Variants in PIAS1 observed in about 807,000 individuals in gnomAD.
The protein encoded by PIAS1 is protein inhibitor of activated STAT 1.
In PIAS1, 6 loss-of-function variants were observed where a neutral mutation model predicts 71.3. The ratio of observed to expected loss-of-function variants is 0.08; its 90% CI spans 0.05 to 0.17. The LOEUF (loss-of-function observed/expected upper bound fraction) is 0.17. PIAS1 is among the 10% of genes least tolerant of loss of function. The pLI, the probability that PIAS1 is intolerant of heterozygous loss-of-function variation, is 1.00. For synonymous variants in PIAS1, 303 were observed against 292.9 expected (o/e 1.03, Z -0.35); for missense variants, 555 against 793.6 (o/e 0.70, Z 3.61).
rs199719363 is a variant in PIAS1, at chr15:68,086,593, A to G, written c.312A>G (p.Ala104=). Residue 104 remains alanine (A), a synonymous_variant, in exon 2 of 14, where the codon GCA becomes GCG. Coordinates refer to ENST00000249636, the MANE Select transcript of PIAS1 (RefSeq NM_016166.3). The surrounding 1 kb of genome is among the most constrained non-coding windows in gnomAD (Gnocchi z 7.2). The part of the protein sequence containing the change: ...IPQLTYDGHP[A]SSPLLPVSLL... Reference sequence around the variant, plus strand: ...AACTCACTTACGATGGTCACCCTGCATCATCGCCATTACTCCCTGTTTCTC... The same window carrying G: ...AACTCACTTACGATGGTCACCCTGCGTCATCGCCATTACTCCCTGTTTCTC... The G allele has an allele frequency of 1.2e-6, 2 of 1,613,868 alleles. No homozygotes were observed. The highest frequency in any genetic ancestry group is 8.5e-7 in the Non-Finnish European group (1 of 1,179,886).
At chr15:68,090,094 G>A (rs1215933246) in intron 2 of PIAS1, among the ~76,000 whole-genome samples, 3 of 151,594 alleles carry the variant, frequency 2.0e-5, no homozygotes, top group African/African-American at 7.3e-5. Context: ...CAGCCAGGCT[G>A]GTCTCGAACT....
At chr15:68,170,586 C>T (rs2092985191) in intron 8 of PIAS1, among the ~76,000 whole-genome samples, 1 of 152,122 alleles carries the variant, frequency 6.6e-6, no homozygotes, top group Non-Finnish European at 1.5e-5. Context: ...ACACTGTACA[C>T]TTTGGCTACA....
chr15:68,102,002 C>CT (rs1555426300), intron 2 of PIAS1, among the ~76,000 whole-genome samples: 2 of 152,326 alleles, frequency 1.3e-5, no homozygotes, highest in Non-Finnish European at 1.5e-5. Context: ...TACCAAAACA[C>CT]TGAGATTATG....
chr15:68,090,159 C>T (rs1197708279), intron 2 of PIAS1, among the ~76,000 whole-genome samples: 3 of 151,904 alleles, frequency 2.0e-5, no homozygotes, highest in Admixed American at 6.6e-5. Flanking sequence ...GGATTACAGG[C>T]GTCAGCCACC....
chr15:68,175,194 T>C (rs926185252), intron 9 of PIAS1, among the ~76,000 whole-genome samples: 1 of 152,232 alleles, frequency 6.6e-6, no homozygotes. Flanking sequence ...TGTTTTTAAA[T>C]GTCTGTCACG....
chr15:68,143,877 C>T (rs575172367), intron 4 of PIAS1, among the ~76,000 whole-genome samples: 1 of 152,142 alleles, frequency 6.6e-6, no homozygotes, highest in Admixed American at 6.6e-5. Context: ...ATGTTTGACT[C>T]TGGGTTAATT....
intron 1 of PIAS1, among the ~76,000 whole-genome samples, chr15:68,056,577 T>C (rs746479897): frequency 6.6e-6 from 1 of 152,210 alleles, no homozygotes; most frequent in Non-Finnish European, 1.5e-5. Flanking sequence ...ATAACTGTTT[T>C]GACATGTTGG....
intron 8 of PIAS1, among the ~76,000 whole-genome samples, chr15:68,170,583 A>G (rs1010236552): frequency 1.3e-5 from 2 of 152,270 alleles, no homozygotes; most frequent in African/African-American, 4.8e-5. Flanking sequence ...TAAACACTGT[A>G]CACTTTGGCT....
chr15:68,060,238 T>G (rs2091943063), intron 1 of PIAS1, among the ~76,000 whole-genome samples: 1 of 152,086 alleles, frequency 6.6e-6, no homozygotes, highest in African/African-American at 2.4e-5. Context: ...TGTACCTTAT[T>G]TAGATGCTTA....
Position 68,054,395 on chromosome 15 carries a change from C to A in PIAS1, c.24+45C>A, listed in dbSNP as rs1268480116. 1 of 1,548,226 alleles carries A rather than the reference C, an allele frequency of 6.5e-7. No individual in the cohort carries two copies. Among genetic ancestry groups the A allele is most frequent in the African/African-American group, 1.4e-5 (1 of 72,876 alleles). On this transcript the variant is annotated intron_variant, in intron 1 of 13. Coordinates refer to ENST00000249636, the MANE Select transcript of PIAS1 (RefSeq NM_016166.3). This position sits in a 1 kb window ranked among gnomAD's most constrained non-coding sequence, Gnocchi z 4.6. ...CACTTCTAATATTCGGCCGCGGAGA[C>A]GGCGCCGCTGCTGCCAGGGGGGATG...
chr15:68,121,354 T>TA (rs987818627), intron 2 of PIAS1, among the ~76,000 whole-genome samples: 2 of 152,120 alleles, frequency 1.3e-5, no homozygotes, highest in African/African-American at 4.8e-5. Flanking sequence ...AATCTGCTGT[T>TA]ATCTGTATGC....
rs114525853 is a variant in PIAS1, at chr15:68,139,342, G to T, written c.470-2604G>T. ...GGCCACATCTCACACATGTCTAAAA[G>T]GGTTCAAACAGAGAATGAATGGAAA... On this transcript the variant is annotated intron_variant, in intron 2 of 13. Coordinates refer to ENST00000249636, the MANE Select transcript of PIAS1 (RefSeq NM_016166.3). 3.7e-3 allele frequency among the ~76,000 whole-genome samples: 568 copies of T among 152,266 alleles called. 1 individual carries two copies. Among genetic ancestry groups the T allele is most frequent in the African/African-American group, 0.012 (506 of 41,548 alleles).
At chr15:68,127,433 C>T (rs541154515) in intron 2 of PIAS1, among the ~76,000 whole-genome samples, 134 of 152,210 alleles carry the variant, frequency 8.8e-4, no homozygotes, top group Non-Finnish European at 1.6e-3. Context: ...TTCTGTTAGC[C>T]CCACTTGTAC....
intron 7 of PIAS1, among the ~76,000 whole-genome samples, chr15:68,159,006 A>C (rs989266762): frequency 2.6e-5 from 4 of 152,182 alleles, no homozygotes; most frequent in Admixed American, 1.3e-4. Context: ...CCTGTAGCTC[A>C]TGACAACAGG....
At chr15:68,073,049 T>C (rs2092117367) in intron 1 of PIAS1, among the ~76,000 whole-genome samples, 1 of 152,212 alleles carries the variant, frequency 6.6e-6, no homozygotes, top group South Asian at 2.1e-4. Flanking sequence ...GGAGTCTTGC[T>C]CTGTCGCCCA....
intron 1 of PIAS1, among the ~76,000 whole-genome samples, chr15:68,070,735 TTTTG>T (rs1247622258): frequency 6.6e-6 from 1 of 151,580 alleles, no homozygotes; most frequent in East Asian, 1.9e-4. Flanking sequence ...TGAAATAATA[TTTTG>T]TTTATTGGAT....
In PIAS1 at chr15:68,174,320, C is replaced by A. The variant is rs577884591; in HGVS notation, c.1169+428C>A. Among the ~76,000 whole-genome samples, 121 of 152,320 alleles carry A rather than the reference C, an allele frequency of 7.9e-4. No homozygotes were observed. Among genetic ancestry groups the A allele is most frequent in the African/African-American group, 2.8e-3 (118 of 41,560 alleles). Reference sequence around the variant, plus strand: ...TTAGCCTATTTCTGGAGATTAGATCCACCTTCAGTCATGGTCTTCTTTTTC... The same window carrying A: ...TTAGCCTATTTCTGGAGATTAGATCAACCTTCAGTCATGGTCTTCTTTTTC... On this transcript the variant is annotated intron_variant, in intron 9 of 13. Transcript: ENST00000249636. This position sits in a 1 kb window ranked among gnomAD's most constrained non-coding sequence, Gnocchi z 4.0.
chr15:68,059,730 A>AT, intron 1 of PIAS1, among the ~76,000 whole-genome samples: 1 of 150,540 alleles, frequency 6.6e-6, no homozygotes, highest in Admixed American at 6.6e-5. Context: ...AAAAAAAAAA[A>AT]GAAAGCAATA....
chr15:68,075,671 T>A (rs1032498882), intron 1 of PIAS1, among the ~76,000 whole-genome samples: 2 of 152,196 alleles, frequency 1.3e-5, no homozygotes, highest in African/African-American at 4.8e-5. Flanking sequence ...GATGGAATTT[T>A]AAAAAATATT....
Sources: allele counts gnomAD v4.1 joint callset (sites outside exome capture counted in the v4.1 genomes callset), GRCh38; gene constraint gnomAD v4.1.1; non-coding constraint Gnocchi (gnomAD v3.1); transcripts MANE v1.5; gene names NCBI Gene and HGNC (gene_info 2026-07-23, HGNC 2026-07-21).